Variants in MAGI2 observed in about 807,000 individuals in gnomAD.
The protein encoded by MAGI2 is membrane associated guanylate kinase, WW and PDZ domain containing 2, also known as membrane-associated guanylate kinase, WW and PDZ domain-containing protein 2.
In MAGI2, 35 loss-of-function variants were observed where a neutral mutation model predicts 133.3. The ratio of observed to expected loss-of-function variants is 0.26; its 90% CI spans 0.20 to 0.35. The LOEUF (loss-of-function observed/expected upper bound fraction) is 0.35, where lower values mean the gene tolerates loss of function less well. Ranked by LOEUF, MAGI2 falls within the 10% of genes least tolerant of loss-of-function variation. The probability of loss-of-function intolerance (pLI) is 1.00; values close to 1 mark genes in which losing one functional copy is unlikely to be tolerated. For missense variants in MAGI2, 1,636 were observed against 1,863.4 expected, an observed-to-expected ratio of 0.88 and a Z score of 2.25; for synonymous variants, 729 against 710.6, an observed-to-expected ratio of 1.03 and a Z score of -0.41.
chr7:78,768,798 T>G (rs1825283890), intron 2 of MAGI2, among the ~76,000 whole-genome samples: 1 of 152,202 alleles, frequency 6.6e-6, no homozygotes, highest in Non-Finnish European at 1.5e-5. Context: ...TATTGCACTA[T>G]TTTGCATCCT....
chr7:79,338,181 G>C (rs1405427325), intron 1 of MAGI2, among the ~76,000 whole-genome samples: 1 of 152,160 alleles, frequency 6.6e-6, no homozygotes, highest in African/African-American at 2.4e-5. Flanking sequence ...AGAAGGCAGT[G>C]AGACTAAGGG....
At chr7:78,725,642 A>G (rs1170100675) in intron 2 of MAGI2, among the ~76,000 whole-genome samples, 1 of 152,210 alleles carries the variant, frequency 6.6e-6, no homozygotes, top group Non-Finnish European at 1.5e-5. Flanking sequence ...ATTAAAAGAT[A>G]GAAAAAATTA....
intron 1 of MAGI2, among the ~76,000 whole-genome samples, chr7:79,436,089 C>CTA (rs1390672631): frequency 6.6e-6 from 1 of 151,912 alleles, no homozygotes; most frequent in Non-Finnish European, 1.5e-5. Context: ...AAATGGATCC[C>CTA]TATATATTAT....
At chr7:79,381,725 CAAGATA>C (rs1347603115) in intron 1 of MAGI2, among the ~76,000 whole-genome samples, 6 of 151,636 alleles carry the variant, frequency 4.0e-5, no homozygotes, top group Non-Finnish European at 7.4e-5. Flanking sequence ...GAAGACTAAA[CAAGATA>C]ATAAGGGGAA....
intron 2 of MAGI2, among the ~76,000 whole-genome samples, chr7:78,962,715 G>T (rs1802953286): frequency 6.6e-6 from 1 of 151,906 alleles, no homozygotes; most frequent in South Asian, 2.1e-4. Context: ...GGAGGCAATA[G>T]TCATTATTCA....
intron 12 of MAGI2, among the ~76,000 whole-genome samples, chr7:78,193,235 G>A (rs1446115341): frequency 6.6e-6 from 1 of 152,152 alleles, no homozygotes. Context: ...TTGCAAAAAA[G>A]ATGGAAGTGA....
chr7:78,640,454 C>T (rs540235381), intron 2 of MAGI2, among the ~76,000 whole-genome samples: 4 of 152,140 alleles, frequency 2.6e-5, no homozygotes, highest in Non-Finnish European at 5.9e-5. Flanking sequence ...CTAATTAAGG[C>T]ACTTCTGGCA....
chr7:78,227,658 T>C (rs1430200375), intron 10 of MAGI2, among the ~76,000 whole-genome samples: 1 of 152,236 alleles, frequency 6.6e-6, no homozygotes, highest in Non-Finnish European at 1.5e-5. Flanking sequence ...TTCATGTGCA[T>C]GAACTCCACC....
chr7:79,258,338 G>C (rs1833846428), intron 1 of MAGI2, among the ~76,000 whole-genome samples: 1 of 152,180 alleles, frequency 6.6e-6, no homozygotes, highest in African/African-American at 2.4e-5. Context: ...TTCTGGGATA[G>C]TCAGTGCACA....
At chr7:79,450,523 A>G (rs11487114) in intron 1 of MAGI2, among the ~76,000 whole-genome samples, 45,985 of 151,758 alleles carry the variant, frequency 0.3, 7,016 homozygotes, top group East Asian at 0.38. Context: ...AGATGAACCA[A>G]CTGTGGGCTC....
chr7:79,125,664 T>C (rs1820350528), intron 1 of MAGI2: 1 of 529,362 alleles, frequency 1.9e-6, no homozygotes, highest in South Asian at 1.4e-5. Context: ...CAACAATCAA[T>C]CTTTAAATTT....
intron 6 of MAGI2, among the ~76,000 whole-genome samples, chr7:78,469,598 T>A (rs1026318661): frequency 6.6e-6 from 1 of 152,200 alleles, no homozygotes; most frequent in African/African-American, 2.4e-5. Flanking sequence ...TTTGAAGACT[T>A]CTCTTTATGA....
intron 1 of MAGI2, among the ~76,000 whole-genome samples, chr7:79,274,304 T>C (rs1835082271): frequency 1.3e-5 from 2 of 152,248 alleles, no homozygotes; most frequent in South Asian, 2.1e-4. Context: ...TCAGAGTTTC[T>C]GATTCTGATT....
At chr7:79,296,471 G>C (rs1193599684) in intron 1 of MAGI2, among the ~76,000 whole-genome samples, 1 of 151,926 alleles carries the variant, frequency 6.6e-6, no homozygotes, top group African/African-American at 2.4e-5. Flanking sequence ...GAGAAAATGT[G>C]GTATATATAC....
At position 78,813,313 on chromosome 7, in the gene MAGI2, AT is replaced by A. The variant is rs762419113; in HGVS notation, c.419-186075del. 4.6e-5 allele frequency among the ~76,000 whole-genome samples: 7 copies of A among 152,334 alleles called. No individual in the cohort carries two copies. The East Asian group carries it at 1.3e-3, about 29-fold the overall frequency. ...TCTTTTGTATAATATTATCAAATAA[AT>A]CAGTAATAAAGAAAAAGAATATTCT... On this transcript the variant is annotated intron_variant, in intron 2 of 21. Transcript: ENST00000354212.
intron 1 of MAGI2, among the ~76,000 whole-genome samples, chr7:79,098,321 A>G (rs1817685053): frequency 6.6e-6 from 1 of 152,104 alleles, no homozygotes; most frequent in African/African-American, 2.4e-5. Flanking sequence ...CTCCTCTCAC[A>G]TGGGAGATAA....
chr7:79,283,379 A>G (rs1373992175), intron 1 of MAGI2, among the ~76,000 whole-genome samples: 1 of 152,128 alleles, frequency 6.6e-6, no homozygotes, highest in Admixed American at 6.6e-5. Context: ...GGTGACTATG[A>G]TTTATTTAAG....
intron 6 of MAGI2, among the ~76,000 whole-genome samples, chr7:78,378,988 A>G (rs1321642748): frequency 5.9e-5 from 9 of 152,060 alleles, no homozygotes; most frequent in Admixed American, 6.6e-5. Context: ...AAAATTGACA[A>G]TTGAATAAGG....
At chr7:78,942,629 A>T (rs558042975) in intron 2 of MAGI2, among the ~76,000 whole-genome samples, 2 of 152,262 alleles carry the variant, frequency 1.3e-5, no homozygotes, top group South Asian at 4.1e-4. Context: ...GATTTCAACA[A>T]GATAAATTTT....
Sources: allele counts gnomAD v4.1 joint callset (sites outside exome capture counted in the v4.1 genomes callset), GRCh38; gene constraint gnomAD v4.1.1; transcripts MANE v1.5; gene names NCBI Gene and HGNC (gene_info 2026-07-23, HGNC 2026-07-21).